The following MRTFB variants were observed in gnomAD, a reference collection of about 807,000 sequenced individuals.
MRTFB encodes the protein myocardin related transcription factor B.
MRTFB carries 29 observed loss-of-function variants against 104.2 expected under a neutral mutation model. The observed-to-expected ratio is 0.28, with a 90% CI of 0.21 to 0.38. The LOEUF is 0.38. Ranked by LOEUF, MRTFB falls within the 10% of genes least tolerant of loss-of-function variation. MRTFB has a pLI of 1.00. For missense variants in MRTFB, 1,270 were observed against 1,341.6 expected (o/e 0.95, Z 0.83); for synonymous variants, 535 against 519.5 (o/e 1.03, Z -0.41).
At chr16:14,237,918 G>A (rs1034151646) in intron 9 of MRTFB, among the ~76,000 whole-genome samples, 4 of 152,206 alleles carry the variant, frequency 2.6e-5, no homozygotes, top group Non-Finnish European at 5.9e-5. Context: ...CCAGAAAAAT[G>A]TAACAGGATG....
chr16:14,153,624 G>A (rs1597093469), intron 3 of MRTFB, among the ~76,000 whole-genome samples: 2 of 152,148 alleles, frequency 1.3e-5, no homozygotes, highest in East Asian at 3.9e-4. Flanking sequence ...ATCAAGTTAG[G>A]ACTAAAAAAA....
chr16:14,107,338 G>A (rs979833029), intron 2 of MRTFB, among the ~76,000 whole-genome samples: 10 of 152,142 alleles, frequency 6.6e-5, no homozygotes, highest in South Asian at 4.1e-4. Context: ...TGGGGCTCAC[G>A]CCTAGAATCT....
Position 14,264,964 on chromosome 16 carries a change from C to CA in MRTFB, c.*3521dup, listed in dbSNP as rs1359189173. ...TAGCAGTTGACAAAACAGCTATCCC[C>CA]ACAAGTGATGAGATAGTCCCTTTAC... On this transcript the variant is annotated 3_prime_UTR_variant, in exon 17 of 17. Transcript: ENST00000571589. 3 of 152,226 alleles carry CA rather than the reference C, an allele frequency of 2.0e-5. No homozygotes were observed. Among genetic ancestry groups the CA allele is most frequent in the African/African-American group, 7.2e-5 (3 of 41,444 alleles). The allele number at this position is 152,226 out of a possible 1,614,324, so 9.4% of individuals were successfully genotyped here.
intron 2 of MRTFB, among the ~76,000 whole-genome samples, chr16:14,089,270 T>C (rs2034907460): frequency 6.6e-6 from 1 of 152,192 alleles, no homozygotes; most frequent in Non-Finnish European, 1.5e-5. Context: ...GACACTTTCA[T>C]CACCCCAAAA....
At chr16:14,238,098 G>A (rs1310895764) in intron 9 of MRTFB, among the ~76,000 whole-genome samples, 3 of 152,154 alleles carry the variant, frequency 2.0e-5, no homozygotes, top group Non-Finnish European at 4.4e-5. Flanking sequence ...ACAGACATTT[G>A]GCAATGTCTG....
At chr16:14,205,481 T>C (rs918420317) in intron 3 of MRTFB, among the ~76,000 whole-genome samples, 1 of 152,260 alleles carries the variant, frequency 6.6e-6, no homozygotes, top group African/African-American at 2.4e-5. Flanking sequence ...GTATGAGATA[T>C]GCTTTTTTAT....
chr16:14,155,758 T>TC (rs1324861980), intron 3 of MRTFB, among the ~76,000 whole-genome samples: 1 of 152,178 alleles, frequency 6.6e-6, no homozygotes, highest in African/African-American at 2.4e-5. Context: ...TTCGAACGTT[T>TC]CCCGACCTTG....
chr16:14,159,741 A>G (rs1313966669), intron 3 of MRTFB, among the ~76,000 whole-genome samples: 1 of 151,722 alleles, frequency 6.6e-6, no homozygotes, highest in Non-Finnish European at 1.5e-5. Flanking sequence ...CATCCCGGCT[A>G]AAACGGTGAA....
At chr16:14,129,104 T>C (rs2037310756) in intron 2 of MRTFB, among the ~76,000 whole-genome samples, 1 of 152,264 alleles carries the variant, frequency 6.6e-6, no homozygotes, top group Non-Finnish European at 1.5e-5. Context: ...ATTCCTCTTA[T>C]TACTCAGTAG....
chr16:14,206,452 C>T (rs1006974006), intron 3 of MRTFB, among the ~76,000 whole-genome samples: 29 of 152,230 alleles, frequency 1.9e-4, no homozygotes, highest in African/African-American at 6.8e-4. Context: ...AATTATAAGT[C>T]TATACCTATA....
chr16:14,123,586 ATGGTC>A (rs2036960831), intron 2 of MRTFB, among the ~76,000 whole-genome samples: 1 of 150,960 alleles, frequency 6.6e-6, no homozygotes, highest in Non-Finnish European at 1.5e-5. Flanking sequence ...TTGTTGATGT[ATGGTC>A]TTATTTCTGA....
At chr16:14,186,796 G>A in intron 3 of MRTFB, 6 of 1,554,288 alleles carry the variant, frequency 3.9e-6, no homozygotes, top group Non-Finnish European at 5.2e-6. Context: ...AGTGATTGGG[G>A]TATTGTGGGG....
chr16:14,035,373 G>A, the MRTFB span, among the ~76,000 whole-genome samples: 275 of 152,226 alleles, frequency 1.8e-3, 2 homozygotes, highest in African/African-American at 6.3e-3. Context: ...AGCACAGCCC[G>A]CTTCCTGCCT....
intron 8 of MRTFB, among the ~76,000 whole-genome samples, chr16:14,231,384 ATACTT>A (rs1038510693): frequency 1.3e-5 from 2 of 152,204 alleles, no homozygotes; most frequent in African/African-American, 2.4e-5. Context: ...TATGGCCTGA[ATACTT>A]TAACTTTTAT....
chr16:14,025,516 C>T, the MRTFB span, among the ~76,000 whole-genome samples: 1 of 152,126 alleles, frequency 6.6e-6, no homozygotes, highest in African/African-American at 2.4e-5. Context: ...AAATGAATAA[C>T]CTTCATGCGG....
At chr16:14,242,958 C>G (rs891994495) in intron 10 of MRTFB, among the ~76,000 whole-genome samples, 2 of 151,958 alleles carry the variant, frequency 1.3e-5, no homozygotes, top group African/African-American at 4.8e-5. Flanking sequence ...AGCAGGGAGA[C>G]TACTCTTACG....
chr16:14,160,509 G>C (rs1368680167), intron 3 of MRTFB, among the ~76,000 whole-genome samples: 4 of 152,076 alleles, frequency 2.6e-5, no homozygotes, highest in Non-Finnish European at 5.9e-5. Flanking sequence ...ATTTCCATTT[G>C]TAATTAATAA....
the MRTFB span, among the ~76,000 whole-genome samples, chr16:14,013,964 T>C: frequency 6.6e-6 from 1 of 152,134 alleles, no homozygotes; most frequent in Non-Finnish European, 1.5e-5. Context: ...TTGTAACCCC[T>C]TGTTAGTTTT....
At chr16:14,230,272 A>T (rs1373674281) in intron 8 of MRTFB, among the ~76,000 whole-genome samples, 1 of 152,242 alleles carries the variant, frequency 6.6e-6, no homozygotes, top group African/African-American at 2.4e-5. Flanking sequence ...AAAAGCCAAA[A>T]TTGAGAAATG....
Sources: gnomAD v4.1 joint callset for allele counts (sites outside exome capture counted in the v4.1 genomes callset) on GRCh38, gnomAD v4.1.1 for gene constraint, MANE v1.5 for transcripts, NCBI Gene and HGNC (gene_info 2026-07-23, HGNC 2026-07-21) for gene names.